The following B4GALT2 variants were observed in gnomAD, a reference collection of about 807,000 sequenced individuals.
B4GALT2 encodes the protein N-acetyllactosamine synthase.
In B4GALT2, 18 loss-of-function variants were observed where a neutral mutation model predicts 33.2. The observed-to-expected ratio is 0.54, with a 90% CI of 0.38 to 0.80. The LOEUF (loss-of-function observed/expected upper bound fraction) is 0.80, where lower values mean the gene tolerates loss of function less well. Ranked by LOEUF, B4GALT2 falls within the 30% of genes least tolerant of loss-of-function variation. The pLI is 0.00. For synonymous variants in B4GALT2, 214 were observed against 217.6 expected, an observed-to-expected ratio of 0.98 and a Z score of 0.15; for missense variants, 404 against 526.2, an observed-to-expected ratio of 0.77 and a Z score of 2.27.
chr1:43,983,736 G>A (rs570603348), intron 3 of B4GALT2, among the ~76,000 whole-genome samples: 2 of 152,312 alleles, frequency 1.3e-5, no homozygotes, highest in South Asian at 4.1e-4. Context: ...ATGTGGGAGA[G>A]ACACAGGGCT....
chr1:43,987,939 T>A (rs961705091), intron 6 of B4GALT2, among the ~76,000 whole-genome samples: 2 of 152,208 alleles, frequency 1.3e-5, no homozygotes, highest in Non-Finnish European at 2.9e-5. Flanking sequence ...GTGTCACATA[T>A]GCCCTCTTGT....
At chr1:43,986,599 G>A (rs928403677) in intron 6 of B4GALT2, among the ~76,000 whole-genome samples, 1 of 152,180 alleles carries the variant, frequency 6.6e-6, no homozygotes, top group Non-Finnish European at 1.5e-5. Flanking sequence ...ATCTCTGAAG[G>A]CTGATAGTGA....
rs1284446840 is a variant in B4GALT2 at position 43,982,696 on chromosome 1, G to T, written c.549+772G>T. ...ACTGGGTAGCAAAGATGAGGCTGGA[G>T]GAGTTGGAAGTCAAACTGAGAAATG... On this transcript the variant is annotated intron_variant, in intron 3 of 6. Transcript: ENST00000372324. This position sits in a 1 kb window ranked among gnomAD's most constrained non-coding sequence, Gnocchi z 4.3. 6.6e-6 allele frequency among the ~76,000 whole-genome samples: 1 copy of T among 152,250 alleles called. No homozygotes were observed. The highest frequency in any genetic ancestry group is 1.5e-5 in the Non-Finnish European group (1 of 68,044).
chr1:43,988,846 CAA>C (rs71036648), intron 6 of B4GALT2, among the ~76,000 whole-genome samples: 86 of 95,294 alleles, frequency 9.0e-4, no homozygotes, highest in Admixed American at 2.5e-3. Context: ...GACTCTGTCT[CAA>C]AAAAAAAAAA....
chr1:43,987,614 A>C (rs950391671), intron 6 of B4GALT2, among the ~76,000 whole-genome samples: 3 of 152,164 alleles, frequency 2.0e-5, no homozygotes, highest in Admixed American at 1.3e-4. Context: ...ACCTTAGTCC[A>C]ACCTCTGGGA....
rs749684547 is a variant in B4GALT2, at chr1:43,981,151, C to A, written c.-10C>A. 3 of 1,597,776 alleles carry A rather than the reference C, an allele frequency of 1.9e-6. No individual in the cohort carries two copies. The highest frequency in any genetic ancestry group is 1.3e-5 in the African/African-American group (1 of 74,998). On this transcript the variant is annotated 5_prime_UTR_variant, in exon 2 of 7. Coordinates refer to ENST00000372324, the MANE Select transcript of B4GALT2 (RefSeq NM_003780.5). The surrounding 1 kb of genome is among the most constrained non-coding windows in gnomAD (Gnocchi z 8.1). ...CGGGCCCACTGGGCGGGCCAGTGGC[C>A]GCCTGCGGGATGAGCAGACTGCTGG...
chr1:43,983,242 G>A (rs925130283), intron 3 of B4GALT2, among the ~76,000 whole-genome samples: 4 of 152,178 alleles, frequency 2.6e-5, no homozygotes, highest in South Asian at 2.1e-4. Context: ...GGATGAAGAC[G>A]GTCTGGTCCC....
rs568146695 is a variant in B4GALT2, at chr1:43,990,473, G to T, written c.*25G>T. 4.0e-5 allele frequency: 64 copies of T among 1,613,412 alleles called. No homozygotes were observed. In the African/African-American group the frequency reaches 7.9e-4, roughly 20 times the overall value. ...ACACTAATGGACAGAGGCTCTCGGT[G>T]CCGAAGATTGCCTGCCAGAGGACTG... On this transcript the variant is annotated 3_prime_UTR_variant, in exon 7 of 7. Coordinates refer to ENST00000372324, the MANE Select transcript of B4GALT2 (RefSeq NM_003780.5).
chr1:43,986,229 T>G (rs950675036), intron 6 of B4GALT2: 2 of 152,840 alleles, frequency 1.3e-5, no homozygotes, highest in African/African-American at 4.8e-5. Context: ...CTAAACTTTC[T>G]GGGGGTGGGA....
At chr1:43,989,548 G>T (rs762594703) in intron 6 of B4GALT2, among the ~76,000 whole-genome samples, 1 of 152,080 alleles carries the variant, frequency 6.6e-6, no homozygotes, top group Non-Finnish European at 1.5e-5. Flanking sequence ...TTACGGAGGG[G>T]GTCCTGACAT....
chr1:43,981,460 G>A lies in B4GALT2; in HGVS notation c.300G>A (p.Ser100=), dbSNP rs902610690. The stretch of plus-strand genomic sequence containing the variant: ...CCACGCTGCCACCCTGTCCTGACTC[G>A]CCACCTGGTCTTGGTGAGCCTGGAG... ...TAPTLPPCPD[S]PPGLVGRLLI... is the part of the protein sequence containing the mutation. Residue 100 remains serine (S), a synonymous_variant, in exon 2 of 7, where the codon TCG becomes TCA. Coordinates refer to ENST00000372324, the MANE Select transcript of B4GALT2 (RefSeq NM_003780.5). The surrounding 1 kb of genome is among the most constrained non-coding windows in gnomAD (Gnocchi z 8.1). 6.3e-6 allele frequency: 10 copies of A among 1,580,460 alleles called. No individual in the cohort carries two copies. Among genetic ancestry groups the A allele is most frequent in the African/African-American group, 2.7e-5 (2 of 74,546 alleles).
chr1:43,985,479 C>G, intron 5 of B4GALT2, 38 bp from the exon 6 acceptor site: 1 of 1,601,630 alleles, frequency 6.2e-7, no homozygotes, highest in Non-Finnish European at 8.5e-7. Context: ...CTTTGCCCTT[C>G]CTGGAGCCTG....
In B4GALT2 at chr1:43,979,876, C is replaced by T. The variant is rs549456128; in HGVS notation, c.-53+365C>T. 2.1e-6 allele frequency: 2 copies of T among 964,510 alleles called. No homozygotes were observed. The highest frequency in any genetic ancestry group is 3.0e-6 in the Non-Finnish European group (2 of 656,296). The allele number at this position is 964,510 out of a possible 1,614,324, so 59.7% of individuals were successfully genotyped here. On this transcript the variant is annotated intron_variant, in intron 1 of 6. Coordinates refer to ENST00000372324, the MANE Select transcript of B4GALT2 (RefSeq NM_003780.5). The surrounding 1 kb of genome is among the most constrained non-coding windows in gnomAD (Gnocchi z 4.8). ...GCGGCCTGCCCGTCCGCGGGTGCCA[C>T]GTGTTCAGCCTGCCAGCCCCGCCCA...
intron 6 of B4GALT2, 94 bp downstream of exon 6, chr1:43,985,715 TG>T: frequency 1.7e-6 from 2 of 1,196,486 alleles, no homozygotes; most frequent in East Asian, 2.4e-5. Context: ...GATCCCCCAG[TG>T]GGGGACCTCC....
Position 43,981,036 on chromosome 1 carries a change from G to C in B4GALT2, c.-52-73G>C. 4.1e-6 allele frequency: 6 copies of C among 1,462,096 alleles called. No individual in the cohort carries two copies. Among genetic ancestry groups the C allele is most frequent in the Non-Finnish European group, 5.4e-6 (6 of 1,105,414 alleles). 90.6% of individuals were successfully genotyped at this position (1,462,096 alleles called of 1,614,324 possible). A position where few individuals can be genotyped will look rare whatever the true frequency, so the allele number is the denominator to read the frequency against. ...GTGGCCCACGAGTGTGAGCAGCTGA[G>C]TGGGAGGTAGGTGGGCAGCCTTGCC... is the stretch of plus-strand genomic sequence containing the variant. On this transcript the variant is annotated intron_variant, in intron 1 of 6. Transcript: ENST00000372324. The surrounding 1 kb of genome is among the most constrained non-coding windows in gnomAD (Gnocchi z 8.1).
intron 1 of B4GALT2, chr1:43,980,156 T>C: frequency 8.2e-7 from 1 of 1,215,162 alleles, no homozygotes; most frequent in Non-Finnish European, 1.1e-6. Flanking sequence ...CCTGTGATTC[T>C]GTGTGCCTGT....
In B4GALT2 at chr1:43,991,027, A is replaced by G. The variant is rs1469986069; in HGVS notation, c.*579A>G. On this transcript the variant is annotated 3_prime_UTR_variant, in exon 7 of 7. Coordinates refer to ENST00000372324, the MANE Select transcript of B4GALT2 (RefSeq NM_003780.5). ...CTGGGATCTTGGGGTTGGCCTTTGC[A>G]TGGGAGGCAGGTGGGGCTTGGATCA... 1 of 159,318 alleles carries G rather than the reference A, an allele frequency of 6.3e-6. No homozygotes were observed. The highest frequency in any genetic ancestry group is 1.4e-5 in the Non-Finnish European group (1 of 71,550). 9.9% of individuals were successfully genotyped at this position (159,318 alleles called of 1,614,324 possible).
chr1:43,983,775 C>T (rs2154303264), intron 3 of B4GALT2, among the ~76,000 whole-genome samples: 1 of 152,140 alleles, frequency 6.6e-6, no homozygotes, highest in Non-Finnish European at 1.5e-5. Flanking sequence ...AGAAGGAGTG[C>T]TGCTGAGCTG....
intron 6 of B4GALT2, 71 bp from the exon 7 acceptor site, chr1:43,990,227 T>TG (rs1012088554): frequency 3.5e-5 from 55 of 1,581,808 alleles, no homozygotes; most frequent in Non-Finnish European, 4.6e-5. Flanking sequence ...TTTAGTTGGT[T>TG]GGGGGGTGTA....
Sources: allele counts gnomAD v4.1 joint callset (sites outside exome capture counted in the v4.1 genomes callset), GRCh38; gene constraint gnomAD v4.1.1; non-coding constraint Gnocchi (gnomAD v3.1); transcripts MANE v1.5; gene names NCBI Gene and HGNC (gene_info 2026-07-23, HGNC 2026-07-21).